Variants in METTL25 observed in about 807,000 individuals in gnomAD.
The protein encoded by METTL25 is methyltransferase like 25.
A neutral mutation model predicts 71.6 loss-of-function variants in METTL25; 64 were observed. That is an observed-to-expected ratio of 0.89 (90% CI 0.73 to 1.10). The LOEUF is 1.10. Ranked by LOEUF, METTL25 falls within the 50% of genes least tolerant of loss-of-function variation. The pLI is 0.00. For synonymous variants in METTL25, 287 were observed against 250.3 expected (o/e 1.15, Z -1.38); for missense variants, 807 against 707.0 (o/e 1.14, Z -1.60).
intron 1 of METTL25, among the ~76,000 whole-genome samples, chr12:82,382,709 T>G (rs368315887): frequency 2.0e-5 from 3 of 152,324 alleles, no homozygotes; most frequent in South Asian, 4.2e-4. Flanking sequence ...AAAATGACTT[T>G]TTAATTTCTT....
chr12:82,367,125 C>CT (rs1231338185), intron 1 of METTL25, among the ~76,000 whole-genome samples: 1 of 152,142 alleles, frequency 6.6e-6, no homozygotes, highest in Non-Finnish European at 1.5e-5. Flanking sequence ...TTCCCCATAT[C>CT]TTTCAATTAT....
At chr12:82,384,005 C>T (rs1273834662) in intron 1 of METTL25, among the ~76,000 whole-genome samples, 1 of 152,020 alleles carries the variant, frequency 6.6e-6, no homozygotes, top group Non-Finnish European at 1.5e-5. Context: ...TATCAGAAAC[C>T]TCTGTGGACT....
chr12:82,445,456 CATTGT>C (rs1890673091), intron 8 of METTL25, among the ~76,000 whole-genome samples: 2 of 151,974 alleles, frequency 1.3e-5, no homozygotes, highest in South Asian at 4.1e-4. Flanking sequence ...CTCTTATTAG[CATTGT>C]ATTGAGCTCA....
intron 8 of METTL25, among the ~76,000 whole-genome samples, chr12:82,448,730 T>C (rs903989047): frequency 2.0e-5 from 3 of 152,092 alleles, no homozygotes; most frequent in Admixed American, 2.0e-4. Context: ...TGTGGTCAAG[T>C]TGAAATTAGA....
chr12:82,452,558 T>C lies in METTL25; in HGVS notation c.1479-4169T>C, dbSNP rs186660729. Reference sequence around the variant, plus strand: ...ATCACAATATTTATCCTTAAAACTATAGACCCTTCTAAATACTAATGAATA... The same window carrying C: ...ATCACAATATTTATCCTTAAAACTACAGACCCTTCTAAATACTAATGAATA... On this transcript the variant is annotated intron_variant, in intron 8 of 11. Coordinates refer to ENST00000248306, the MANE Select transcript of METTL25 (RefSeq NM_032230.3). 2.7e-4 allele frequency among the ~76,000 whole-genome samples: 41 copies of C among 152,300 alleles called. 1 individual carries two copies. Among genetic ancestry groups the C allele is most frequent in the Admixed American group, 1.4e-3 (21 of 15,288 alleles).
chr12:82,372,583 G>T (rs1310764569), intron 1 of METTL25, among the ~76,000 whole-genome samples: 3 of 152,152 alleles, frequency 2.0e-5, no homozygotes, highest in East Asian at 1.9e-4. Context: ...ATTGTAATTT[G>T]TACTGCCCTC....
Position 82,358,958 on chromosome 12 carries a change from G to A in METTL25, c.259+134G>A, listed in dbSNP as rs1253593891. 3 of 1,024,284 alleles carry A rather than the reference G, an allele frequency of 2.9e-6. No individual in the cohort carries two copies. In the South Asian group the frequency reaches 4.6e-5, roughly 16 times the overall value. 63.4% of individuals were successfully genotyped at this position (1,024,284 alleles called of 1,614,324 possible). On this transcript the variant is annotated intron_variant, in intron 1 of 11. Transcript: ENST00000248306. ...GCGGGGCGGCCCGCTGGGAAACCGA[G>A]GAGGGGTCGGATTAGTTGAGGGGTG... is the stretch of plus-strand genomic sequence containing the variant.
chr12:82,471,678 C>T (rs1226429124), intron 9 of METTL25, among the ~76,000 whole-genome samples: 1 of 152,150 alleles, frequency 6.6e-6, no homozygotes, highest in East Asian at 1.9e-4. Context: ...ATGATGGTAA[C>T]TCCAATAAAA....
chr12:82,386,157 G>A (rs1000250464), intron 1 of METTL25, among the ~76,000 whole-genome samples: 1 of 152,134 alleles, frequency 6.6e-6, no homozygotes, highest in African/African-American at 2.4e-5. Context: ...AACCTGATTC[G>A]TTTTGGAACT....
intron 5 of METTL25, among the ~76,000 whole-genome samples, chr12:82,405,651 A>G (rs1417599338): frequency 6.6e-6 from 1 of 152,232 alleles, no homozygotes; most frequent in Non-Finnish European, 1.5e-5. Context: ...ATTCTAACTA[A>G]AATGAATTTG....
At chr12:82,371,764 G>T (rs1027015204) in intron 1 of METTL25, among the ~76,000 whole-genome samples, 1 of 152,146 alleles carries the variant, frequency 6.6e-6, no homozygotes, top group African/African-American at 2.4e-5. Context: ...GGTGACAGGG[G>T]AGTATATTTT....
chr12:82,362,254 G>C (rs1198912626), intron 1 of METTL25, among the ~76,000 whole-genome samples: 1 of 152,172 alleles, frequency 6.6e-6, no homozygotes, highest in Non-Finnish European at 1.5e-5. Context: ...AAATATGTTA[G>C]AAATAACTAT....
chr12:82,473,322 C>A (rs1325496996), intron 9 of METTL25, among the ~76,000 whole-genome samples: 1 of 151,872 alleles, frequency 6.6e-6, no homozygotes, highest in Non-Finnish European at 1.5e-5. Context: ...CAAGAGCTGC[C>A]CACAGGGATG....
chr12:82,361,054 G>C (rs917325766), intron 1 of METTL25, among the ~76,000 whole-genome samples: 1 of 152,120 alleles, frequency 6.6e-6, no homozygotes, highest in Non-Finnish European at 1.5e-5. Flanking sequence ...GTCGCTGCTG[G>C]CGCCAGCAGT....
At chr12:82,401,814 A>C (rs1244214913) in intron 4 of METTL25, among the ~76,000 whole-genome samples, 1 of 152,056 alleles carries the variant, frequency 6.6e-6, no homozygotes, top group Non-Finnish European at 1.5e-5. Context: ...ACAGATTTAC[A>C]CTAAAACATG....
At chr12:82,359,723 G>A (rs1445014124) in intron 1 of METTL25, among the ~76,000 whole-genome samples, 1 of 152,160 alleles carries the variant, frequency 6.6e-6, no homozygotes, top group African/African-American at 2.4e-5. Context: ...CTCAAGAAAT[G>A]TAGATTCTTC....
intron 1 of METTL25, chr12:82,359,029 C>T (rs534919819): frequency 3.3e-6 from 2 of 614,308 alleles, no homozygotes; most frequent in Non-Finnish European, 5.8e-6. Flanking sequence ...TCTTTGGGTG[C>T]TTGTGTATGT....
At chr12:82,415,441 G>C (rs953908441) in intron 5 of METTL25, among the ~76,000 whole-genome samples, 1 of 152,092 alleles carries the variant, frequency 6.6e-6, no homozygotes, top group Non-Finnish European at 1.5e-5. Context: ...TGGTGTATTA[G>C]GCAGGGTGAT....
Position 82,368,779 on chromosome 12 carries a change from C to T in METTL25, c.259+9955C>T, listed in dbSNP as rs145073679. Among the ~76,000 whole-genome samples, 11 of 152,298 alleles carry T rather than the reference C, an allele frequency of 7.2e-5. No individual in the cohort carries two copies. The East Asian group carries it at 2.1e-3, about 29-fold the overall frequency. The stretch of plus-strand genomic sequence containing the variant: ...TTAACACCATGGTCATGTTGAAGGG[C>T]TGTGTCAATCTGGATCTTGAAATGA... On this transcript the variant is annotated intron_variant, in intron 1 of 11. Transcript: ENST00000248306.
Sources: gnomAD v4.1 joint callset for allele counts (sites outside exome capture counted in the v4.1 genomes callset) on GRCh38, gnomAD v4.1.1 for gene constraint, MANE v1.5 for transcripts, NCBI Gene and HGNC (gene_info 2026-07-23, HGNC 2026-07-21) for gene names.